SLC24A3: variants seen among roughly 807,000 people sequenced by gnomAD.
SLC24A3 encodes solute carrier family 24 member 3.
SLC24A3 carries 28 observed loss-of-function variants against 75.8 expected under a neutral mutation model. The observed-to-expected ratio is 0.37, with a 90% confidence interval of 0.27 to 0.51. The LOEUF is 0.51. Ranked by LOEUF, SLC24A3 falls within the 20% of genes least tolerant of loss-of-function variation. The pLI is 0.94. For missense variants in SLC24A3, 663 were observed against 847.8 expected, an observed-to-expected ratio of 0.78 and a Z score of 2.71; for synonymous variants, 372 against 334.1, an observed-to-expected ratio of 1.11 and a Z score of -1.24.
intron 1 of SLC24A3, among the ~76,000 whole-genome samples, chr20:19,226,236 A>G (rs959585640): frequency 3.3e-5 from 5 of 152,214 alleles, no homozygotes; most frequent in African/African-American, 1.2e-4. Flanking sequence ...ATTTTCAAAT[A>G]CGGAATCAGC....
chr20:19,294,544 G>A (rs898432064), intron 2 of SLC24A3, among the ~76,000 whole-genome samples: 5 of 152,174 alleles, frequency 3.3e-5, no homozygotes, highest in East Asian at 1.9e-4. Context: ...TTGGTTTTCC[G>A]TGCTTGCATT....
At chr20:19,242,957 A>AT (rs1223899262) in intron 1 of SLC24A3, among the ~76,000 whole-genome samples, 3 of 151,960 alleles carry the variant, frequency 2.0e-5, no homozygotes, top group Admixed American at 6.6e-5. Flanking sequence ...GTTGAACCAC[A>AT]TTTTTTTTCC....
At chr20:19,347,906 G>A (rs1284315167) in intron 2 of SLC24A3, among the ~76,000 whole-genome samples, 1 of 152,238 alleles carries the variant, frequency 6.6e-6, no homozygotes, top group South Asian at 2.1e-4. Flanking sequence ...TGAAGGTGAA[G>A]AGAGAGGAAG....
At chr20:19,229,337 G>A (rs1188001764) in intron 1 of SLC24A3, among the ~76,000 whole-genome samples, 2 of 151,650 alleles carry the variant, frequency 1.3e-5, no homozygotes, top group Non-Finnish European at 2.9e-5. Flanking sequence ...CCTTTTCCCT[G>A]AGTCAGTAAA....
intron 2 of SLC24A3, among the ~76,000 whole-genome samples, chr20:19,399,440 GT>G (rs1986513117): frequency 6.6e-6 from 1 of 152,006 alleles, no homozygotes. Context: ...GATATGGTAT[GT>G]TTTTATTTTC....
intron 3 of SLC24A3, among the ~76,000 whole-genome samples, chr20:19,523,834 T>C (rs1163787344): frequency 6.6e-6 from 1 of 152,104 alleles, no homozygotes; most frequent in Non-Finnish European, 1.5e-5. Flanking sequence ...GACGATACCT[T>C]ACTTGTCCCT....
intron 6 of SLC24A3, among the ~76,000 whole-genome samples, chr20:19,601,342 GTTTC>G (rs1309921146): frequency 6.6e-6 from 1 of 152,146 alleles, no homozygotes; most frequent in Non-Finnish European, 1.5e-5. Flanking sequence ...GAAATCTCCT[GTTTC>G]TTTGGTGCCC....
At chr20:19,262,096 C>G (rs149247720) in intron 1 of SLC24A3, among the ~76,000 whole-genome samples, 5 of 152,190 alleles carry the variant, frequency 3.3e-5, no homozygotes, top group South Asian at 2.1e-4. Flanking sequence ...TTGCAAGCAT[C>G]GCCTCTATAC....
Position 19,601,387 on chromosome 20 carries a change from G to C in SLC24A3, c.612+15843G>C, listed in dbSNP as rs145237874. ...CCCTGGTCTGTTCCGGCCAGCAAGAGCTCAAGGAGTTGGAATTCCCTTTAT... is the reference window on the plus strand; with the variant it reads ...CCCTGGTCTGTTCCGGCCAGCAAGACCTCAAGGAGTTGGAATTCCCTTTAT... On this transcript the variant is annotated intron_variant, in intron 6 of 16. Transcript: ENST00000328041. Among the ~76,000 whole-genome samples the C allele has an allele frequency of 6.6e-5, 10 of 152,280 alleles. No individual in the cohort carries two copies. In the East Asian group the frequency reaches 1.7e-3, roughly 26 times the overall value.
chr20:19,372,004 C>T (rs1426727572), intron 2 of SLC24A3, among the ~76,000 whole-genome samples: 1 of 152,116 alleles, frequency 6.6e-6, no homozygotes, highest in East Asian at 1.9e-4. Context: ...CCAGACCAGA[C>T]CCAGGGCTTC....
intron 6 of SLC24A3, among the ~76,000 whole-genome samples, chr20:19,635,750 C>T (rs1044320272): frequency 6.6e-6 from 1 of 152,208 alleles, no homozygotes; most frequent in African/African-American, 2.4e-5. Context: ...TGTATGTTCA[C>T]TCTATGTGGC....
chr20:19,223,784 G>A (rs1243912176), intron 1 of SLC24A3, among the ~76,000 whole-genome samples: 1 of 152,176 alleles, frequency 6.6e-6, no homozygotes, highest in Non-Finnish European at 1.5e-5. Context: ...ACGTAGGCCT[G>A]TGACATAGCG....
At chr20:19,295,488 G>A (rs1339791708) in intron 2 of SLC24A3, among the ~76,000 whole-genome samples, 2 of 152,144 alleles carry the variant, frequency 1.3e-5, no homozygotes. Context: ...TTGGCTGTGG[G>A]TTTGTCATAA....
intron 2 of SLC24A3, among the ~76,000 whole-genome samples, chr20:19,481,399 G>A (rs1988051526): frequency 6.6e-6 from 1 of 152,168 alleles, no homozygotes; most frequent in South Asian, 2.1e-4. Context: ...GGAAATTGAG[G>A]CATATCTGGT....
intron 6 of SLC24A3, among the ~76,000 whole-genome samples, chr20:19,597,282 G>A (rs1042648855): frequency 6.6e-6 from 1 of 152,074 alleles, no homozygotes; most frequent in Non-Finnish European, 1.5e-5. Flanking sequence ...CACTACTTGG[G>A]AGGCTAAGGT....
chr20:19,553,281 G>A (rs1385513409), intron 3 of SLC24A3, among the ~76,000 whole-genome samples: 1 of 152,088 alleles, frequency 6.6e-6, no homozygotes, highest in African/African-American at 2.4e-5. Flanking sequence ...ACCTTTGTGT[G>A]TGCACTTCTG....
At chr20:19,245,572 T>C (rs1982463111) in intron 1 of SLC24A3, among the ~76,000 whole-genome samples, 1 of 152,034 alleles carries the variant, frequency 6.6e-6, no homozygotes, top group Admixed American at 6.5e-5. Context: ...AGATAATACA[T>C]TCACAACACA....
intron 7 of SLC24A3, among the ~76,000 whole-genome samples, chr20:19,654,473 T>C (rs1224106112): frequency 6.6e-6 from 1 of 151,748 alleles, no homozygotes; most frequent in Non-Finnish European, 1.5e-5. Flanking sequence ...CTCTGTATGC[T>C]CTGCCAGGAC....
At chr20:19,608,654 A>C (rs1600301207) in intron 6 of SLC24A3, among the ~76,000 whole-genome samples, 2 of 152,200 alleles carry the variant, frequency 1.3e-5, no homozygotes, top group African/African-American at 2.4e-5. Context: ...TATGTTTTTT[A>C]AGTTGTCAAA....
Sources: gnomAD v4.1 joint callset for allele counts (sites outside exome capture counted in the v4.1 genomes callset) on GRCh38, gnomAD v4.1.1 for gene constraint, MANE v1.5 for transcripts, NCBI Gene and HGNC (gene_info 2026-07-23, HGNC 2026-07-21) for gene names.